Variants in RELN observed in about 807,000 individuals in gnomAD.
RELN encodes the protein reelin.
RELN carries 108 observed loss-of-function variants against 427.6 expected under a neutral mutation model. That is an observed-to-expected ratio of 0.25 (90% CI 0.22 to 0.30). RELN has a LOEUF of 0.30. RELN is among the 10% of genes least tolerant of loss of function. The pLI, the probability that RELN is intolerant of heterozygous loss-of-function variation, is 1.00. For synonymous variants in RELN, 1,524 were observed against 1,513.4 expected, an observed-to-expected ratio of 1.01 and a Z score of -0.16; for missense variants, 3,715 against 4,302.8, an observed-to-expected ratio of 0.86 and a Z score of 3.82.
intron 1 of RELN, among the ~76,000 whole-genome samples, chr7:103,933,150 C>A (rs1795901071): frequency 6.6e-6 from 1 of 152,068 alleles, no homozygotes; most frequent in Non-Finnish European, 1.5e-5. Flanking sequence ...ATACCATTAG[C>A]CCACATAGAG....
At chr7:103,707,559 C>T (rs980311091) in intron 8 of RELN, among the ~76,000 whole-genome samples, 4 of 150,244 alleles carry the variant, frequency 2.7e-5, no homozygotes, top group South Asian at 2.1e-4. Context: ...AGTGCAATGG[C>T]GCGATCTCGG....
At chr7:103,712,486 T>C (rs1789830061) in intron 8 of RELN, among the ~76,000 whole-genome samples, 1 of 152,250 alleles carries the variant, frequency 6.6e-6, no homozygotes, top group African/African-American at 2.4e-5. Context: ...AGATGAATTC[T>C]ATAATTCAAA....
rs1365282619 is a variant in RELN at position 103,911,377 on chromosome 7, G to C, written c.337+5698C>G. Among the ~76,000 whole-genome samples, 4 of 147,378 alleles carry C rather than the reference G, an allele frequency of 2.7e-5. No homozygotes were observed. In the South Asian group the frequency reaches 9.1e-4, roughly 34 times the overall value. ...CAACAGGTGCTGGAGAGGATGTGGA[G>C]AAATAGGAACACTTTTACACTGTTG... On this transcript the variant is annotated intron_variant, in intron 2 of 64. Transcript: ENST00000428762.
chr7:103,684,599 T>C (rs955352554), intron 10 of RELN, among the ~76,000 whole-genome samples: 8 of 152,098 alleles, frequency 5.3e-5, no homozygotes, highest in Admixed American at 2.0e-4. Context: ...AGTTTCAGGA[T>C]TGGGATTAGA....
In RELN at chr7:103,974,772, C is replaced by G. The variant is rs114948704; in HGVS notation, c.226+14359G>C. ...CATATCTGTTGAGTATGGAGCCAAACGATTTTGGTTTCTATCCTTCCCACT... is the reference window on the plus strand; with the variant it reads ...CATATCTGTTGAGTATGGAGCCAAAGGATTTTGGTTTCTATCCTTCCCACT... On this transcript the variant is annotated intron_variant, in intron 1 of 64. Transcript: ENST00000428762. 5.8e-3 allele frequency among the ~76,000 whole-genome samples: 882 copies of G among 152,220 alleles called. 8 individuals carry two copies. Among genetic ancestry groups the G allele is most frequent in the African/African-American group, 0.02 (834 of 41,534 alleles).
chr7:103,869,972 C>T (rs1447508460), intron 2 of RELN, among the ~76,000 whole-genome samples: 1 of 152,100 alleles, frequency 6.6e-6, no homozygotes, highest in Non-Finnish European at 1.5e-5. Context: ...TTCCTATTGA[C>T]CTGTCAAGTA....
chr7:103,473,515 G>A (rs1827927822), intron 64 of RELN, among the ~76,000 whole-genome samples: 2 of 152,024 alleles, frequency 1.3e-5, no homozygotes, highest in Admixed American at 1.3e-4. Flanking sequence ...TTATAAACGT[G>A]GCCTTAGGAA....
intron 10 of RELN, among the ~76,000 whole-genome samples, chr7:103,684,046 G>A (rs889394480): frequency 3.9e-5 from 6 of 152,118 alleles, no homozygotes; most frequent in Non-Finnish European, 7.4e-5. Context: ...GGATATATGA[G>A]CCCATAGTAT....
intron 49 of RELN, 78 bp from the exon 50 acceptor site, chr7:103,515,519 G>T: frequency 6.4e-7 from 1 of 1,570,698 alleles, no homozygotes; most frequent in Non-Finnish European, 8.7e-7. Context: ...TTTACAACCA[G>T]CCATAAGATA....
In RELN at chr7:103,589,499, G is replaced by T. The variant is rs934444468; in HGVS notation, c.4145+97C>A. 4 of 804,696 alleles carry T rather than the reference G, an allele frequency of 5.0e-6. No individual in the cohort carries two copies. The Admixed American group carries it at 7.5e-5, about 15-fold the overall frequency. 49.8% of individuals were successfully genotyped at this position (804,696 alleles called of 1,614,324 possible). ...TTATTTTTCCCAGAATTGTATTTTCGGGGTTTTGATCTTTCAGGATTACAA... is the reference window on the plus strand; with the variant it reads ...TTATTTTTCCCAGAATTGTATTTTCTGGGTTTTGATCTTTCAGGATTACAA... On this transcript the variant is annotated intron_variant, in intron 28 of 64. Coordinates refer to ENST00000428762, the MANE Select transcript of RELN (RefSeq NM_005045.4).
rs113280488 is a variant in RELN at position 103,839,158 on chromosome 7, A to C, written c.338-5486T>G. Among the ~76,000 whole-genome samples, 251 of 152,298 alleles carry C rather than the reference A, an allele frequency of 1.6e-3. 1 individual carries two copies. Among genetic ancestry groups the C allele is most frequent in the African/African-American group, 5.8e-3 (243 of 41,554 alleles). ...ATGGTGTCAATGTACAGTTTGAAGA[A>C]AGCCAACAGTATCTTACATAATGTC... On this transcript the variant is annotated intron_variant, in intron 2 of 64. Coordinates refer to ENST00000428762, the MANE Select transcript of RELN (RefSeq NM_005045.4).
chr7:103,524,934 C>T lies in RELN; in HGVS notation c.7350-1403G>A, dbSNP rs191128383. On this transcript the variant is annotated intron_variant, in intron 46 of 64. Coordinates refer to ENST00000428762, the MANE Select transcript of RELN (RefSeq NM_005045.4). Reference sequence around the variant, plus strand: ...TTTCTACTGCATTTTACCGAAACCCCTAGTCCCCTCCTTGGCCCACAAGGT... The same window carrying T: ...TTTCTACTGCATTTTACCGAAACCCTTAGTCCCCTCCTTGGCCCACAAGGT... Among the ~76,000 whole-genome samples, 19 of 152,252 alleles carry T rather than the reference C, an allele frequency of 1.2e-4. No homozygotes were observed. The East Asian group carries it at 3.5e-3, about 28-fold the overall frequency.
Position 103,515,315 on chromosome 7 carries a change from A to C in RELN, c.7989T>G (p.Ser2663=), listed in dbSNP as rs181844615. ...CCAGCATAACGGTCCTTTGGTCAGC[A>C]GAGCCTGAGATGAGGACATTGTCAA... The part of the protein sequence containing the change: ...WAIDNVLISG[S]ADQRTVMLDT... Residue 2663 remains serine, a synonymous_variant, in exon 50 of 65, where the codon TCT becomes TCG. Coordinates refer to ENST00000428762, the MANE Select transcript of RELN (RefSeq NM_005045.4). 1 of 1,614,144 alleles carries C rather than the reference A, an allele frequency of 6.2e-7. No individual in the cohort carries two copies. Among genetic ancestry groups the C allele is most frequent in the Non-Finnish European group, 8.5e-7 (1 of 1,180,008 alleles).
chr7:103,633,474 AATAT>A (rs140092804), intron 19 of RELN, among the ~76,000 whole-genome samples: 1 of 148,966 alleles, frequency 6.7e-6, no homozygotes, highest in East Asian at 2.0e-4. Context: ...GACAGAGATA[AATAT>A]ATATATATAT....
At chr7:103,739,024 G>A (rs1319007541) in intron 6 of RELN, among the ~76,000 whole-genome samples, 1 of 152,082 alleles carries the variant, frequency 6.6e-6, no homozygotes. Context: ...ATTCATCCAT[G>A]TTGTTGCGAC....
intron 1 of RELN, among the ~76,000 whole-genome samples, chr7:103,942,547 A>T (rs930711089): frequency 2.0e-5 from 3 of 152,182 alleles, no homozygotes; most frequent in Admixed American, 1.3e-4. Flanking sequence ...AAAATCTAAG[A>T]AGCAGAATTC....
chr7:103,967,010 G>A (rs781410702), intron 1 of RELN, among the ~76,000 whole-genome samples: 4 of 152,138 alleles, frequency 2.6e-5, no homozygotes, highest in Admixed American at 6.6e-5. Flanking sequence ...TAACTTCCCT[G>A]TGACCTTTTG....
At chr7:103,572,113 C>A in intron 31 of RELN, 71 bp downstream of exon 31, 1 of 897,264 alleles carries the variant, frequency 1.1e-6, no homozygotes, top group Non-Finnish European at 1.9e-6. Context: ...AAATCCTGGC[C>A]AAACTTTGGG....
intron 2 of RELN, among the ~76,000 whole-genome samples, chr7:103,895,093 T>TA (rs1794930284): frequency 6.6e-6 from 1 of 152,152 alleles, no homozygotes; most frequent in African/African-American, 2.4e-5. Context: ...TTCTTCTAGG[T>TA]ACGACTATTA....
Sources: gnomAD v4.1 joint callset for allele counts (sites outside exome capture counted in the v4.1 genomes callset) on GRCh38, gnomAD v4.1.1 for gene constraint, MANE v1.5 for transcripts, NCBI Gene and HGNC (gene_info 2026-07-23, HGNC 2026-07-21) for gene names.